Variants in SPIDR observed in about 807,000 individuals in gnomAD.
The protein encoded by SPIDR is DNA repair-scaffolding protein.
SPIDR carries 93 observed loss-of-function variants against 104.6 expected under a neutral mutation model. The observed-to-expected ratio is 0.89, with a 90% confidence interval of 0.75 to 1.06. SPIDR has a LOEUF of 1.06. Ranked by LOEUF, SPIDR falls within the 50% of genes least tolerant of loss-of-function variation. The pLI, the probability that SPIDR is intolerant of heterozygous loss-of-function variation, is 0.00. For missense variants in SPIDR, 1,154 were observed against 1,111.2 expected, an observed-to-expected ratio of 1.04 and a Z score of -0.55; for synonymous variants, 431 against 416.9, an observed-to-expected ratio of 1.03 and a Z score of -0.41.
intron 10 of SPIDR, among the ~76,000 whole-genome samples, chr8:47,609,022 C>T (rs1002888396): frequency 1.1e-4 from 17 of 152,334 alleles, no homozygotes; most frequent in Admixed American, 1.0e-3. Context: ...CCACCGCACC[C>T]GGCTGAGCAT....
intron 8 of SPIDR, among the ~76,000 whole-genome samples, chr8:47,487,118 G>C (rs539522102): frequency 6.6e-6 from 1 of 152,162 alleles, no homozygotes; most frequent in Non-Finnish European, 1.5e-5. Context: ...CTGATGTGCA[G>C]AGACACACAT....
chr8:47,514,967 G>A (rs2154377830), intron 8 of SPIDR, among the ~76,000 whole-genome samples: 1 of 152,248 alleles, frequency 6.6e-6, no homozygotes, highest in South Asian at 2.1e-4. Flanking sequence ...TTAATCATAA[G>A]GATTCACAAA....
At chr8:47,271,210 T>C (rs964910593) in intron 1 of SPIDR, among the ~76,000 whole-genome samples, 24 of 152,140 alleles carry the variant, frequency 1.6e-4, no homozygotes, top group Admixed American at 3.3e-4. Flanking sequence ...TCTCTTTAGA[T>C]TTTATGCTAT....
chr8:47,622,666 C>T (rs995480251), intron 10 of SPIDR, among the ~76,000 whole-genome samples: 1 of 152,122 alleles, frequency 6.6e-6, no homozygotes, highest in Non-Finnish European at 1.5e-5. Context: ...GGCACAGCAT[C>T]GGCCCTGCAT....
chr8:47,339,971 G>A (rs932714915), intron 5 of SPIDR, among the ~76,000 whole-genome samples: 15 of 151,996 alleles, frequency 9.9e-5, no homozygotes, highest in African/African-American at 2.4e-4. Flanking sequence ...GAGCCACCGC[G>A]CCTGGACTGT....
chr8:47,469,268 T>C (rs2075332593), intron 8 of SPIDR, among the ~76,000 whole-genome samples: 1 of 152,158 alleles, frequency 6.6e-6, no homozygotes, highest in African/African-American at 2.4e-5. Flanking sequence ...CTTCAACCAT[T>C]GTGGAAAACA....
Position 47,729,469 on chromosome 8 carries a change from A to G in SPIDR, c.2604+4A>G. ...GTTTGCCGCCGGTGAAGATGGGGTAAGTGCAGGGGGCCCAGCCCAGGGGGC... is the reference window on the plus strand; with the variant it reads ...GTTTGCCGCCGGTGAAGATGGGGTAGGTGCAGGGGGCCCAGCCCAGGGGGC... On this transcript the variant is annotated splice_donor_region_variant and intron_variant, in intron 19 of 19. Transcript: ENST00000297423. 1.3e-6 allele frequency: 2 copies of G among 1,595,292 alleles called. No homozygotes were observed. Among genetic ancestry groups the G allele is most frequent in the Non-Finnish European group, 1.7e-6 (2 of 1,172,092 alleles).
chr8:47,681,980 A>G (rs987000313), intron 11 of SPIDR, among the ~76,000 whole-genome samples: 1 of 152,080 alleles, frequency 6.6e-6, no homozygotes, highest in Non-Finnish European at 1.5e-5. Context: ...TTAATTAAGG[A>G]GGGAAAAAAG....
intron 8 of SPIDR, among the ~76,000 whole-genome samples, chr8:47,453,821 T>G (rs2072385817): frequency 3.3e-5 from 5 of 151,980 alleles, no homozygotes; most frequent in Admixed American, 2.6e-4. Context: ...GGGCAAAGGG[T>G]ATGAACAGAC....
At chr8:47,263,225 C>T (rs2032973524) in intron 1 of SPIDR, among the ~76,000 whole-genome samples, 1 of 152,216 alleles carries the variant, frequency 6.6e-6, no homozygotes, top group African/African-American at 2.4e-5. Context: ...GCCTGTTATT[C>T]ACAGCCTCCA....
chr8:47,343,036 T>G (rs998697948), intron 5 of SPIDR, among the ~76,000 whole-genome samples: 4 of 152,232 alleles, frequency 2.6e-5, no homozygotes, highest in African/African-American at 9.6e-5. Flanking sequence ...GGATGTCATA[T>G]CATCCATGTT....
intron 8 of SPIDR, among the ~76,000 whole-genome samples, chr8:47,593,327 T>C (rs977937916): frequency 6.6e-5 from 10 of 152,160 alleles, no homozygotes; most frequent in South Asian, 6.2e-4. Context: ...ATTTTCACTA[T>C]TTTTTTAGTT....
chr8:47,268,388 TG>T (rs1330802233), intron 1 of SPIDR, among the ~76,000 whole-genome samples: 1 of 152,246 alleles, frequency 6.6e-6, no homozygotes, highest in Non-Finnish European at 1.5e-5. Flanking sequence ...ATTTTGATTT[TG>T]TTGAATATAT....
At chr8:47,595,718 G>A in intron 8 of SPIDR, 93 bp from the exon 9 acceptor site, 1 of 1,216,982 alleles carries the variant, frequency 8.2e-7, no homozygotes, top group Non-Finnish European at 1.2e-6. Flanking sequence ...TCCATAGCAG[G>A]CGAGTCATTG....
At chr8:47,389,603 G>A (rs782228407) in intron 5 of SPIDR, among the ~76,000 whole-genome samples, 1 of 151,128 alleles carries the variant, frequency 6.6e-6, no homozygotes, top group Non-Finnish European at 1.5e-5. Context: ...GCAGGAGAAT[G>A]GCGTGAACCC....
At chr8:47,313,008 G>C (rs1412651164) in intron 5 of SPIDR, among the ~76,000 whole-genome samples, 4 of 152,274 alleles carry the variant, frequency 2.6e-5, no homozygotes, top group African/African-American at 9.6e-5. Context: ...CACAAGACAG[G>C]GATGCCCTCT....
chr8:47,719,233 G>A (rs1177786402), intron 16 of SPIDR, among the ~76,000 whole-genome samples: 1 of 152,124 alleles, frequency 6.6e-6, no homozygotes, highest in Non-Finnish European at 1.5e-5. Context: ...ACCAGGCTGG[G>A]CGTGGTGGTT....
intron 8 of SPIDR, among the ~76,000 whole-genome samples, chr8:47,565,992 AT>A (rs768002878): frequency 0.011 from 158 of 14,862 alleles, no homozygotes; most frequent in South Asian, 0.018. Flanking sequence ...ATATATATAT[AT>A]TTTTTTTTTT....
chr8:47,586,525 A>G (rs1054536353), intron 8 of SPIDR, among the ~76,000 whole-genome samples: 1 of 152,216 alleles, frequency 6.6e-6, no homozygotes, highest in African/African-American at 2.4e-5. Context: ...TGCCATTTAT[A>G]TAGCTTTTCA....
Sources: allele counts gnomAD v4.1 joint callset (sites outside exome capture counted in the v4.1 genomes callset), GRCh38; gene constraint gnomAD v4.1.1; transcripts MANE v1.5; gene names NCBI Gene and HGNC (gene_info 2026-07-23, HGNC 2026-07-21).